Variants in NR5A2 observed in about 807,000 individuals in gnomAD.
The protein encoded by NR5A2 is nuclear receptor subfamily 5 group A member 2.
A neutral mutation model predicts 62.7 loss-of-function variants in NR5A2; 26 were observed. The observed-to-expected ratio is 0.41, with a 90% CI of 0.30 to 0.58. The LOEUF (loss-of-function observed/expected upper bound fraction) is 0.58. Among genes scored for constraint, NR5A2 ranks in the 20% least tolerant of loss-of-function variants. The probability of loss-of-function intolerance (pLI) is 0.22; values close to 1 mark genes in which losing one functional copy is unlikely to be tolerated. For synonymous variants in NR5A2, 246 were observed against 241.7 expected (o/e 1.02, Z -0.16); for missense variants, 541 against 669.1 (o/e 0.81, Z 2.11).
chr1:200,090,115 C>T (rs1664749473), intron 5 of NR5A2, among the ~76,000 whole-genome samples: 1 of 152,182 alleles, frequency 6.6e-6, no homozygotes, highest in Non-Finnish European at 1.5e-5. Context: ...AGTTATATGT[C>T]TACCCCCTCA....
chr1:200,108,467 A>T (rs1360054022), intron 5 of NR5A2, among the ~76,000 whole-genome samples: 1 of 152,062 alleles, frequency 6.6e-6, no homozygotes, highest in African/African-American at 2.4e-5. Context: ...CACCTGCAAA[A>T]TGGGAATAAT....
intron 6 of NR5A2, among the ~76,000 whole-genome samples, chr1:200,112,904 A>T (rs1419254531): frequency 6.6e-6 from 1 of 152,218 alleles, no homozygotes; most frequent in African/African-American, 2.4e-5. Context: ...GAGTTTCAGA[A>T]ATGAAATGGG....
intron 5 of NR5A2, among the ~76,000 whole-genome samples, chr1:200,110,845 T>G (rs1558145214): frequency 6.6e-6 from 1 of 152,162 alleles, no homozygotes; most frequent in Non-Finnish European, 1.5e-5. Flanking sequence ...CAATCTGGGG[T>G]CATTCTAATG....
At chr1:200,158,957 C>T (rs904267658) in intron 7 of NR5A2, among the ~76,000 whole-genome samples, 5 of 151,692 alleles carry the variant, frequency 3.3e-5, no homozygotes, top group South Asian at 4.2e-4. Flanking sequence ...TAGAATGGCC[C>T]GATCACAGTT....
chr1:200,054,004 T>A (rs979727996), intron 5 of NR5A2: 3 of 152,174 alleles, frequency 2.0e-5, no homozygotes, highest in Non-Finnish European at 2.9e-5. Context: ...GCTGGGCATG[T>A]TCAGTATGGG....
At chr1:200,042,750 G>A (rs1662170106) in intron 2 of NR5A2, 1 of 951,200 alleles carries the variant, frequency 1.1e-6, no homozygotes, top group South Asian at 4.9e-5. Context: ...TACTTGACCT[G>A]TGTGGATGTG....
rs1425565369 is a variant in NR5A2, at chr1:200,174,043, T to G, written c.1459T>G (p.Cys487Gly). ...TGCCGCCCTGCTGGACTACACAATGTGTAACTACCCGCAGCAGACAGAGAA... is the reference window on the plus strand; with the variant it reads ...TGCCGCCCTGCTGGACTACACAATGGGTAACTACCCGCAGCAGACAGAGAA... ...VNAALLDYTMCNYPQQTEKFG... is the reference protein window; with the variant it reads ...VNAALLDYTMGNYPQQTEKFG... Residue 487 changes from cysteine to glycine, a missense_variant, in exon 8 of 8, where the codon TGT becomes GGT. Coordinates refer to ENST00000367362, the MANE Select transcript of NR5A2 (RefSeq NM_205860.3). The G allele has an allele frequency of 1.2e-6, 2 of 1,612,502 alleles. No individual in the cohort carries two copies. The highest frequency in any genetic ancestry group is 1.7e-6 in the Non-Finnish European group (2 of 1,179,616).
intron 5 of NR5A2, among the ~76,000 whole-genome samples, chr1:200,069,775 C>T (rs1663653408): frequency 6.6e-6 from 1 of 152,112 alleles, no homozygotes; most frequent in Non-Finnish European, 1.5e-5. Context: ...ATTTTATTTA[C>T]CCAGTCTTGC....
rs866378889 is a variant in NR5A2, at chr1:200,163,828, A to G, written c.1379-10135A>G. On this transcript the variant is annotated intron_variant, in intron 7 of 7. Transcript: ENST00000367362. ...ATGTATGCATAATGTAAGGTCAGTC[A>G]TGAACAAGCAATAATAAGAACACAT... Among the ~76,000 whole-genome samples, 43 of 152,298 alleles carry G rather than the reference A, an allele frequency of 2.8e-4. No individual in the cohort carries two copies. The Middle Eastern group carries it at 0.01, about 36-fold the overall frequency.
At position 200,175,169 on chromosome 1, in the gene NR5A2, C is replaced by G. The variant is rs1472122332; in HGVS notation, c.*959C>G. ...GTTCATTTAAAAATACAACATTAAACACATTTTGCTAGGATGTCAAATAGT... is the reference window on the plus strand; with the variant it reads ...GTTCATTTAAAAATACAACATTAAAGACATTTTGCTAGGATGTCAAATAGT... On this transcript the variant is annotated 3_prime_UTR_variant, in exon 8 of 8. Transcript: ENST00000367362. 1 of 152,618 alleles carries G rather than the reference C, an allele frequency of 6.6e-6. No homozygotes were observed. The highest frequency in any genetic ancestry group is 2.4e-5 in the African/African-American group (1 of 41,462). 9.5% of individuals were successfully genotyped at this position (152,618 alleles called of 1,614,324 possible).
Position 200,174,268 on chromosome 1 carries a change from G to A in NR5A2, c.*58G>A, listed in dbSNP as rs1363669018. On this transcript the variant is annotated 3_prime_UTR_variant, in exon 8 of 8. Coordinates refer to ENST00000367362, the MANE Select transcript of NR5A2 (RefSeq NM_205860.3). ...AAAAAGAGATTGGGGGAGTGGGGAGGGGGAAGAAGAACAGGAAGAAAAAAA... is the reference window on the plus strand; with the variant it reads ...AAAAAGAGATTGGGGGAGTGGGGAGAGGGAAGAAGAACAGGAAGAAAAAAA... 3 of 1,455,098 alleles carry A rather than the reference G, an allele frequency of 2.1e-6. No homozygotes were observed. Among genetic ancestry groups the A allele is most frequent in the East Asian group, 4.8e-5 (2 of 41,446 alleles). 90.1% of individuals were successfully genotyped at this position (1,455,098 alleles called of 1,614,324 possible). A position where few individuals can be genotyped will look rare whatever the true frequency, so the allele number is the denominator to read the frequency against.
chr1:200,114,630 AG>A (rs1666132165), intron 6 of NR5A2, among the ~76,000 whole-genome samples: 1 of 152,240 alleles, frequency 6.6e-6, no homozygotes, highest in Non-Finnish European at 1.5e-5. Context: ...TAGGAATTAC[AG>A]GAAGTATTCT....
chr1:200,174,160 G>A lies in NR5A2; in HGVS notation c.1576G>A (p.Val526Met), dbSNP rs1487863979. ...CTACTACAAGCACCTGAACGGGGAT[G>A]TGCCCTATAATAACCTTCTCATTGA... ...YLYYKHLNGD[V>M]PYNNLLIEML... is the part of the protein sequence containing the mutation. Residue 526 changes from valine (V) to methionine (M), a missense_variant, in exon 8 of 8, where the codon GTG (valine) becomes ATG (methionine). By Grantham distance (21) the Val-to-Met change is conservative. This residue lies in a region of NR5A2 where 379 missense variants were observed against 442.0 expected (regional missense o/e 0.86). Coordinates refer to ENST00000367362, the MANE Select transcript of NR5A2 (RefSeq NM_205860.3). 3 of 1,613,246 alleles carry A rather than the reference G, an allele frequency of 1.9e-6. No individual in the cohort carries two copies. Among genetic ancestry groups the A allele is most frequent in the Non-Finnish European group, 2.5e-6 (3 of 1,179,744 alleles).
chr1:200,058,907 C>T (rs12753040), intron 5 of NR5A2, among the ~76,000 whole-genome samples: 44,669 of 149,064 alleles, frequency 0.3, 8,596 homozygotes, highest in African/African-American at 0.55. Flanking sequence ...GTCAGGAGTT[C>T]GAGACCAGCC....
At chr1:200,109,646 G>A (rs1229208649) in intron 5 of NR5A2, among the ~76,000 whole-genome samples, 1 of 152,168 alleles carries the variant, frequency 6.6e-6, no homozygotes, top group South Asian at 2.1e-4. Flanking sequence ...CAGCTATTCA[G>A]AGTCTTATGG....
chr1:200,119,263 TCTC>T (rs1293266544), intron 6 of NR5A2, among the ~76,000 whole-genome samples: 4 of 152,184 alleles, frequency 2.6e-5, no homozygotes, highest in Middle Eastern at 3.2e-3. Context: ...AGGGACTAGT[TCTC>T]CTGCTTAGGA....
intron 7 of NR5A2, among the ~76,000 whole-genome samples, chr1:200,173,145 A>G (rs1654258397): frequency 6.6e-6 from 1 of 152,150 alleles, no homozygotes; most frequent in African/African-American, 2.4e-5. Flanking sequence ...AAGGACCTTT[A>G]GGGCAGATGT....
At chr1:200,053,116 T>C (rs1384910592) in intron 5 of NR5A2, among the ~76,000 whole-genome samples, 3 of 150,806 alleles carry the variant, frequency 2.0e-5, no homozygotes, top group South Asian at 4.1e-4. Context: ...ATTCAAAAGA[T>C]TGGAATGAAA....
intron 7 of NR5A2, among the ~76,000 whole-genome samples, chr1:200,144,255 A>G (rs896205025): frequency 4.6e-5 from 7 of 151,602 alleles, no homozygotes; most frequent in Admixed American, 1.3e-4. Context: ...ACACACACAC[A>G]CACACACACA....
Sources: gnomAD v4.1 joint callset for allele counts (sites outside exome capture counted in the v4.1 genomes callset) on GRCh38, gnomAD v4.1.1 for gene constraint, gnomAD v4.1.1 regional missense constraint, MANE v1.5 for transcripts, NCBI Gene and HGNC (gene_info 2026-07-23, HGNC 2026-07-21) for gene names.